The following INTS4 variants were observed in gnomAD, a reference collection of about 807,000 sequenced individuals.
INTS4 encodes the protein MSTP093.
In INTS4, 70 loss-of-function variants were observed where a neutral mutation model predicts 119.5. The observed-to-expected ratio is 0.59, with a 90% CI of 0.48 to 0.71. The LOEUF (loss-of-function observed/expected upper bound fraction) is 0.71, where lower values mean the gene tolerates loss of function less well. Ranked by LOEUF, INTS4 falls within the 30% of genes least tolerant of loss-of-function variation. The pLI, the probability that INTS4 is intolerant of heterozygous loss-of-function variation, is 0.00. For missense variants in INTS4, 867 were observed against 1,173.2 expected, an observed-to-expected ratio of 0.74 and a Z score of 3.81; for synonymous variants, 316 against 419.6, an observed-to-expected ratio of 0.75 and a Z score of 3.02.
At chr11:77,905,120 G>A (rs770176055) in intron 16 of INTS4, among the ~76,000 whole-genome samples, 5 of 152,178 alleles carry the variant, frequency 3.3e-5, no homozygotes, top group African/African-American at 4.8e-5. Flanking sequence ...CAATGTTGGC[G>A]GGCACCATCC....
At chr11:77,976,918 G>A (rs1476815993) in intron 4 of INTS4, among the ~76,000 whole-genome samples, 5 of 152,024 alleles carry the variant, frequency 3.3e-5, no homozygotes, top group African/African-American at 1.2e-4. Context: ...ACACACCAGG[G>A]CCTGTTGTGG....
chr11:77,894,742 T>A (rs1401136545), intron 18 of INTS4, among the ~76,000 whole-genome samples: 3 of 152,208 alleles, frequency 2.0e-5, no homozygotes, highest in Non-Finnish European at 4.4e-5. Context: ...TTAGATCTCA[T>A]CTCCTTGCAC....
At chr11:77,930,086 G>C (rs1953609556) in intron 10 of INTS4, among the ~76,000 whole-genome samples, 2 of 152,168 alleles carry the variant, frequency 1.3e-5, no homozygotes, top group African/African-American at 4.8e-5. Context: ...CTAAGGGCTA[G>C]GATACAAAGA....
intron 8 of INTS4, among the ~76,000 whole-genome samples, chr11:77,951,057 C>A (rs1396836532): frequency 6.6e-6 from 1 of 152,100 alleles, no homozygotes; most frequent in East Asian, 1.9e-4. Flanking sequence ...ATGAACTCAT[C>A]ATTTTTTATG....
chr11:77,907,099 GT>G (rs935514087), intron 16 of INTS4, among the ~76,000 whole-genome samples: 13 of 152,030 alleles, frequency 8.6e-5, no homozygotes, highest in African/African-American at 3.1e-4. Context: ...TTGTTTGTTT[GT>G]TTTCTTTAAA....
intron 16 of INTS4, among the ~76,000 whole-genome samples, chr11:77,905,557 G>A (rs1952924044): frequency 1.3e-5 from 2 of 152,022 alleles, no homozygotes; most frequent in African/African-American, 2.4e-5. Flanking sequence ...TCACAATACT[G>A]ACTTTGTGTA....
rs1856080718 is a variant in INTS4 at position 77,979,106 on chromosome 11, G to C, written c.365-4C>G. 1.3e-6 allele frequency: 2 copies of C among 1,573,100 alleles called. No individual in the cohort carries two copies. Among genetic ancestry groups the C allele is most frequent in the Non-Finnish European group, 1.7e-6 (2 of 1,143,340 alleles). ...TGAGCTAGGACTTGATGAGACTCTAGAGAGGGAGATAGAAAGTTGGCTTGT... is the reference window on the plus strand; with the variant it reads ...TGAGCTAGGACTTGATGAGACTCTACAGAGGGAGATAGAAAGTTGGCTTGT... On this transcript the variant is annotated splice_polypyrimidine_tract_variant and splice_region_variant and intron_variant, in intron 3 of 22. Coordinates refer to ENST00000534064, the MANE Select transcript of INTS4 (RefSeq NM_033547.4).
intron 10 of INTS4, among the ~76,000 whole-genome samples, chr11:77,929,662 T>C (rs1953598232): frequency 6.6e-6 from 1 of 152,154 alleles, no homozygotes; most frequent in Admixed American, 6.6e-5. Flanking sequence ...GCTAAAATCA[T>C]ATAGTAGTTA....
At chr11:77,922,210 A>G in intron 13 of INTS4, 146 bp downstream of exon 13, 4 of 926,594 alleles carry the variant, frequency 4.3e-6, no homozygotes, top group Middle Eastern at 3.5e-4. Context: ...CCTGGGTGAC[A>G]GAATGAGACT....
At chr11:77,917,407 G>A (rs1263409980) in intron 15 of INTS4, among the ~76,000 whole-genome samples, 2 of 149,026 alleles carry the variant, frequency 1.3e-5, no homozygotes, top group South Asian at 2.1e-4. Flanking sequence ...TCTGCCTCCC[G>A]AGTTCAAGCG....
intron 22 of INTS4, among the ~76,000 whole-genome samples, chr11:77,881,750 A>G (rs934769455): frequency 2.0e-5 from 3 of 152,222 alleles, no homozygotes; most frequent in Admixed American, 6.5e-5. Context: ...TCCCTGCTCT[A>G]TAGAAGCCTA....
intron 2 of INTS4, among the ~76,000 whole-genome samples, chr11:77,986,310 G>A (rs575551363): frequency 1.2e-4 from 18 of 152,344 alleles, no homozygotes; most frequent in African/African-American, 4.1e-4. Context: ...ACATCAGTTA[G>A]AATGGCAATC....
intron 10 of INTS4, among the ~76,000 whole-genome samples, chr11:77,937,956 T>G (rs1277899889): frequency 6.6e-6 from 1 of 152,110 alleles, no homozygotes; most frequent in East Asian, 1.9e-4. Flanking sequence ...CAAGTGATTC[T>G]TGTGTCTGAG....
chr11:77,898,458 G>A (rs1460068962), intron 18 of INTS4, among the ~76,000 whole-genome samples: 5 of 152,096 alleles, frequency 3.3e-5, no homozygotes, highest in Admixed American at 1.3e-4. Context: ...CACTGCGCCC[G>A]GCCAACTGGC....
chr11:77,942,007 C>T (rs1953939995), intron 8 of INTS4, among the ~76,000 whole-genome samples: 1 of 152,206 alleles, frequency 6.6e-6, no homozygotes, highest in African/African-American at 2.4e-5. Flanking sequence ...AATCCTTTCC[C>T]TTAACAACTA....
intron 18 of INTS4, among the ~76,000 whole-genome samples, chr11:77,896,218 T>C (rs1480439498): frequency 1.3e-5 from 2 of 150,088 alleles, no homozygotes; most frequent in African/African-American, 4.9e-5. Context: ...GAAGAGAAAC[T>C]ATACAGAAAA....
At chr11:77,972,463 T>A (rs1436079478) in intron 4 of INTS4, among the ~76,000 whole-genome samples, 2 of 151,942 alleles carry the variant, frequency 1.3e-5, no homozygotes, top group Non-Finnish European at 2.9e-5. Context: ...GTCGCCCAGG[T>A]TGGAGTGTGG....
At chr11:77,980,485 T>C (rs1856162272) in intron 3 of INTS4, among the ~76,000 whole-genome samples, 1 of 152,124 alleles carries the variant, frequency 6.6e-6, no homozygotes, top group Non-Finnish European at 1.5e-5. Context: ...GCCCAAGAAG[T>C]CCTCACATTT....
At chr11:77,991,557 C>CT (rs368378022) in intron 1 of INTS4, among the ~76,000 whole-genome samples, 23 of 148,140 alleles carry the variant, frequency 1.6e-4, no homozygotes, top group South Asian at 6.4e-4. Flanking sequence ...AATAGGTATA[C>CT]TTTTTTTTTT....
Sources: gnomAD v4.1 joint callset for allele counts (sites outside exome capture counted in the v4.1 genomes callset) on GRCh38, gnomAD v4.1.1 for gene constraint, MANE v1.5 for transcripts, NCBI Gene and HGNC (gene_info 2026-07-23, HGNC 2026-07-21) for gene names.